The following RGSL1 variants were observed in gnomAD, a reference collection of about 807,000 sequenced individuals.
The protein encoded by RGSL1 is regulator of G protein signaling like 1, also known as regulator of G protein signaling protein-like.
RGSL1 carries 97 observed loss-of-function variants against 124.7 expected under a neutral mutation model. The ratio of observed to expected loss-of-function variants is 0.78; its 90% CI spans 0.66 to 0.92. RGSL1 has a LOEUF of 0.92. Among genes scored for constraint, RGSL1 ranks in the 40% least tolerant of loss-of-function variants. RGSL1 has a pLI of 0.00. For synonymous variants in RGSL1, 424 were observed against 438.1 expected, an observed-to-expected ratio of 0.97 and a Z score of 0.40; for missense variants, 1,233 against 1,288.4, an observed-to-expected ratio of 0.96 and a Z score of 0.66.
intron 13 of RGSL1, 23 bp downstream of exon 13, chr1:182,530,933 C>T (rs1370049642): frequency 6.5e-7 from 1 of 1,541,582 alleles, no homozygotes; most frequent in Admixed American, 2.1e-5. Context: ...GAAAGTGAAA[C>T]AAGACATTAG....
chr1:182,484,658 T>G (rs1654962621), intron 6 of RGSL1, among the ~76,000 whole-genome samples: 1 of 152,154 alleles, frequency 6.6e-6, no homozygotes, highest in African/African-American at 2.4e-5. Context: ...GCCATTTCAG[T>G]TCAGGCCCCT....
rs751350489 is a variant in RGSL1, at chr1:182,540,235, T to G, written c.2495-12T>G. 6.5e-7 allele frequency: 1 copy of G among 1,530,948 alleles called. No individual in the cohort carries two copies. The highest frequency in any genetic ancestry group is 2.1e-5 in the Admixed American group (1 of 46,656). The allele number at this position is 1,530,948 out of a possible 1,614,324, so 94.8% of individuals were successfully genotyped here. On this transcript the variant is annotated splice_polypyrimidine_tract_variant and intron_variant, in intron 14 of 21. Transcript: ENST00000294854. ...CAAACAAAATTGTAATTCCTTCTTC[T>G]TTCTCTCTCAGATTTCACCACAGCA... is the stretch of plus-strand genomic sequence containing the variant.
chr1:182,489,144 G>A lies in RGSL1; in HGVS notation c.1659G>A (p.Glu553=). ...DYRQWRKIAT[E]DLKQGGSLQV... ...GGCAGTGGCGAAAGATAGCTACTGA[G>A]GACCTGAAGCAAGGAGGCTCTCTCC... is the stretch of plus-strand genomic sequence containing the variant. Residue 553 remains glutamate, a synonymous_variant, in exon 8 of 22, where the codon GAG becomes GAA. Transcript: ENST00000294854. The A allele has an allele frequency of 1.3e-6, 2 of 1,551,712 alleles. No homozygotes were observed. The highest frequency in any genetic ancestry group is 1.7e-6 in the Non-Finnish European group (2 of 1,146,990).
rs759690218 is a variant in RGSL1 at position 182,522,444 on chromosome 1, T to C, written c.1931+335T>C. ...TTAATTTTTTAATTGCTATAAATAG[T>C]ATCACAATAAACATCTTTATACATG... On this transcript the variant is annotated intron_variant, in intron 10 of 21. Transcript: ENST00000294854. Among the ~76,000 whole-genome samples, 56 of 152,186 alleles carry C rather than the reference T, an allele frequency of 3.7e-4. 1 individual carries two copies. Among genetic ancestry groups the C allele is most frequent in the Non-Finnish European group, 5.9e-5 (4 of 68,028 alleles).
At chr1:182,494,233 G>A (rs1183942338) in intron 9 of RGSL1, among the ~76,000 whole-genome samples, 1 of 152,192 alleles carries the variant, frequency 6.6e-6, no homozygotes, top group Non-Finnish European at 1.5e-5. Flanking sequence ...TGATCTTAAT[G>A]ATTAGGATCA....
chr1:182,493,826 G>A (rs1019490636), intron 9 of RGSL1, among the ~76,000 whole-genome samples: 3 of 152,168 alleles, frequency 2.0e-5, no homozygotes, highest in Non-Finnish European at 4.4e-5. Flanking sequence ...GCCCTGAAGG[G>A]AGGTTCTGGG....
At position 182,472,804 on chromosome 1, in the gene RGSL1, G is replaced by A. The variant is rs557862916; in HGVS notation, c.463+247G>A. On this transcript the variant is annotated intron_variant, in intron 5 of 21. Coordinates refer to ENST00000294854, the MANE Select transcript of RGSL1 (RefSeq NM_001137669.2). Reference sequence around the variant, plus strand: ...AAGGCTGGCTGGAAGGAGCGGGGAGGAATTGGGGCAGGATACTTGAAAAGC... The same window carrying A: ...AAGGCTGGCTGGAAGGAGCGGGGAGAAATTGGGGCAGGATACTTGAAAAGC... Among the ~76,000 whole-genome samples, 11 of 152,284 alleles carry A rather than the reference G, an allele frequency of 7.2e-5. No homozygotes were observed. In the East Asian group the frequency reaches 1.7e-3, roughly 24 times the overall value.
intron 9 of RGSL1, among the ~76,000 whole-genome samples, chr1:182,513,835 C>T (rs767458271): frequency 7.2e-5 from 11 of 151,758 alleles, no homozygotes; most frequent in Non-Finnish European, 1.6e-4. Flanking sequence ...GAGAGGTGTA[C>T]TTTACCAAGG....
At position 182,511,493 on chromosome 1, in the gene RGSL1, C is replaced by G. The variant is rs530393982; in HGVS notation, c.1826-10511C>G. Among the ~76,000 whole-genome samples, 93 of 152,246 alleles carry G rather than the reference C, an allele frequency of 6.1e-4. 1 individual carries two copies. The highest frequency in any genetic ancestry group is 2.1e-3 in the African/African-American group (86 of 41,546). On this transcript the variant is annotated intron_variant, in intron 9 of 21. Coordinates refer to ENST00000294854, the MANE Select transcript of RGSL1 (RefSeq NM_001137669.2). ...GTCCAGTTATCCAGCTTTCTTAGCA[C>G]CATTTATTGAAGAGACTGTTATTTC...
intron 4 of RGSL1, among the ~76,000 whole-genome samples, chr1:182,467,012 C>T (rs915617040): frequency 4.6e-5 from 7 of 152,144 alleles, no homozygotes; most frequent in East Asian, 1.9e-4. Context: ...AACTCCCATT[C>T]ACAATTGCTT....
At chr1:182,451,733 A>C (rs1408684142) in intron 1 of RGSL1, among the ~76,000 whole-genome samples, 1 of 87,850 alleles carries the variant, frequency 1.1e-5, no homozygotes, top group Non-Finnish European at 2.9e-5. Flanking sequence ...GAAAGACTTT[A>C]ACAATAATAA....
At chr1:182,487,132 TTG>T (rs1458543202) in intron 6 of RGSL1, among the ~76,000 whole-genome samples, 6 of 152,186 alleles carry the variant, frequency 3.9e-5, no homozygotes, top group Non-Finnish European at 8.8e-5. Flanking sequence ...CTGAACTGAA[TTG>T]TCTCAGGAAT....
At chr1:182,455,964 T>C (rs546124282) in intron 2 of RGSL1, among the ~76,000 whole-genome samples, 1 of 152,058 alleles carries the variant, frequency 6.6e-6, no homozygotes, top group African/African-American at 2.4e-5. Context: ...GAGACCTTAA[T>C]GGAGGAAGGG....
At chr1:182,455,023 G>C (rs1312171409) in intron 2 of RGSL1, among the ~76,000 whole-genome samples, 1 of 152,158 alleles carries the variant, frequency 6.6e-6, no homozygotes, top group Non-Finnish European at 1.5e-5. Flanking sequence ...GCTGGGCTTA[G>C]TATTGGGGAT....
chr1:182,454,172 C>T (rs1350685924), intron 2 of RGSL1, 132 bp downstream of exon 2: 3 of 631,052 alleles, frequency 4.8e-6, no homozygotes, highest in Non-Finnish European at 8.3e-6. Context: ...AATAAAAAAA[C>T]TCTTTTAATT....
intron 17 of RGSL1, 199 bp downstream of exon 17, chr1:182,549,023 A>C: frequency 1.7e-6 from 1 of 582,590 alleles, no homozygotes; most frequent in Non-Finnish European, 2.8e-6. Context: ...GATGGAAGGC[A>C]GAGTAAGACT....
At chr1:182,508,894 G>A (rs570273537) in intron 9 of RGSL1, among the ~76,000 whole-genome samples, 5 of 87,158 alleles carry the variant, frequency 5.7e-5, no homozygotes, top group Non-Finnish European at 6.9e-5. Context: ...GACTCTTAAC[G>A]AGCATGCTGC....
intron 9 of RGSL1, among the ~76,000 whole-genome samples, chr1:182,500,635 G>A (rs1656278328): frequency 6.6e-6 from 1 of 151,932 alleles, no homozygotes; most frequent in African/African-American, 2.4e-5. Flanking sequence ...TATGAACACA[G>A]GATATATTTT....
Position 182,498,800 on chromosome 1 carries a change from G to GT in RGSL1, c.1825+5680dup, listed in dbSNP as rs56852866. The stretch of plus-strand genomic sequence containing the variant: ...ACTTTTCTTTTTCCTTTGTTTGTTT[G>GT]TTTTTTTTTGAGACAGAGTCTTGCT... On this transcript the variant is annotated intron_variant, in intron 9 of 21. Coordinates refer to ENST00000294854, the MANE Select transcript of RGSL1 (RefSeq NM_001137669.2). 9.3e-3 allele frequency among the ~76,000 whole-genome samples: 1,382 copies of GT among 148,326 alleles called. 11 individuals carry two copies. The highest frequency in any genetic ancestry group is 0.014 in the Non-Finnish European group (961 of 67,320).
Sources: allele counts gnomAD v4.1 joint callset (sites outside exome capture counted in the v4.1 genomes callset), GRCh38; gene constraint gnomAD v4.1.1; transcripts MANE v1.5; gene names NCBI Gene and HGNC (gene_info 2026-07-23, HGNC 2026-07-21).